DPH6: variants seen among roughly 807,000 people sequenced by gnomAD.
DPH6 encodes diphthine--ammonia ligase.
A neutral mutation model predicts 38.2 loss-of-function variants in DPH6; 33 were observed. That is an observed-to-expected ratio of 0.86 (90% CI 0.65 to 1.15). DPH6 has a LOEUF of 1.15. DPH6 is among the 50% of genes most tolerant of loss of function. DPH6 has a pLI of 0.00. For synonymous variants in DPH6, 108 were observed against 103.0 expected (o/e 1.05, Z -0.30); for missense variants, 325 against 320.0 (o/e 1.02, Z -0.12).
intron 3 of DPH6, among the ~76,000 whole-genome samples, chr15:35,233,778 C>G (rs2051534302): frequency 2.0e-5 from 3 of 152,164 alleles, no homozygotes; most frequent in Admixed American, 6.5e-5. Context: ...CCTTTTTCCT[C>G]TATTCTCTAA....
the DPH6 span, among the ~76,000 whole-genome samples, chr15:35,178,453 T>C: frequency 6.6e-6 from 1 of 151,928 alleles, no homozygotes; most frequent in Non-Finnish European, 1.5e-5. Flanking sequence ...AACCATCAGA[T>C]CTTGTGAGAC....
At chr15:35,364,760 T>C (rs2052642749) in intron 3 of DPH6, among the ~76,000 whole-genome samples, 1 of 152,048 alleles carries the variant, frequency 6.6e-6, no homozygotes, top group South Asian at 2.1e-4. Flanking sequence ...ATATCTACTT[T>C]TATTTTGTTT....
chr15:35,162,540 A>G, the DPH6 span, among the ~76,000 whole-genome samples: 1 of 151,824 alleles, frequency 6.6e-6, no homozygotes, highest in Non-Finnish European at 1.5e-5. Flanking sequence ...CCCTCACTTC[A>G]TCTAGGTCTG....
intron 3 of DPH6, among the ~76,000 whole-genome samples, chr15:35,269,401 C>G (rs913266143): frequency 2.0e-5 from 3 of 152,126 alleles, no homozygotes; most frequent in African/African-American, 7.2e-5. Context: ...GATGTTTAGA[C>G]TTATTTAGGG....
intron 3 of DPH6, among the ~76,000 whole-genome samples, chr15:35,514,461 A>C (rs1381776081): frequency 2.6e-5 from 4 of 152,136 alleles, no homozygotes; most frequent in African/African-American, 9.6e-5. Flanking sequence ...TATCTGATAA[A>C]TAAGATGATG....
At chr15:35,236,907 T>C (rs984517551) in intron 3 of DPH6, among the ~76,000 whole-genome samples, 1 of 152,210 alleles carries the variant, frequency 6.6e-6, no homozygotes, top group African/African-American at 2.4e-5. Flanking sequence ...TAATGTATTC[T>C]GTTAATAAAC....
intron 5 of DPH6, among the ~76,000 whole-genome samples, chr15:35,439,312 A>G (rs931804988): frequency 6.6e-6 from 1 of 152,204 alleles, no homozygotes; most frequent in Non-Finnish European, 1.5e-5. Flanking sequence ...AAGGCAACTT[A>G]TTTTGAGCTA....
At chr15:35,326,000 C>T (rs1200816412), downstream of DPH6, among the ~76,000 whole-genome samples, 4 of 152,024 alleles carry the variant, frequency 2.6e-5, no homozygotes, top group African/African-American at 7.2e-5. Flanking sequence ...ACACAAGATA[C>T]CACAATATAC....
chr15:35,326,718 G>C (rs954531389), downstream of DPH6, among the ~76,000 whole-genome samples: 1 of 152,180 alleles, frequency 6.6e-6, no homozygotes, highest in Admixed American at 6.5e-5. Context: ...TTACAGGCAT[G>C]AGCCACCATG....
chr15:35,319,928 A>G (rs1442573771), intron 3 of DPH6, among the ~76,000 whole-genome samples: 1 of 152,124 alleles, frequency 6.6e-6, no homozygotes, highest in Non-Finnish European at 1.5e-5. Flanking sequence ...GCAAAACCCA[A>G]AAAGGAAAAG....
At chr15:35,168,490 G>A in the DPH6 span, among the ~76,000 whole-genome samples, 1 of 151,930 alleles carries the variant, frequency 6.6e-6, no homozygotes, top group Non-Finnish European at 1.5e-5. Context: ...TCACCAGAAA[G>A]CAGTTTTTAC....
At chr15:35,461,735 G>A (rs2054069519) in intron 3 of DPH6, among the ~76,000 whole-genome samples, 1 of 151,964 alleles carries the variant, frequency 6.6e-6, no homozygotes, top group East Asian at 1.9e-4. Context: ...ATATATTCTT[G>A]TATTTCTTAA....
intron 5 of DPH6, among the ~76,000 whole-genome samples, chr15:35,414,301 T>C (rs2053408917): frequency 6.6e-6 from 1 of 151,752 alleles, no homozygotes; most frequent in South Asian, 2.1e-4. Flanking sequence ...ATATATTACT[T>C]TTGGCATTTG....
intron 6 of DPH6, among the ~76,000 whole-genome samples, chr15:35,385,884 T>G (rs1419581724): frequency 6.6e-6 from 1 of 152,140 alleles, no homozygotes; most frequent in East Asian, 1.9e-4. Context: ...TTAGGGTACA[T>G]GTGCACAACG....
At chr15:35,322,325 G>A (rs536099774) in intron 3 of DPH6, among the ~76,000 whole-genome samples, 60 of 152,234 alleles carry the variant, frequency 3.9e-4, no homozygotes, top group Non-Finnish European at 6.9e-4. Flanking sequence ...CTAAGCAAGG[G>A]GAGGGTTAGA....
chr15:35,445,395 C>A (rs372155789), intron 5 of DPH6, among the ~76,000 whole-genome samples: 12 of 125,470 alleles, frequency 9.6e-5, no homozygotes, highest in Non-Finnish European at 1.0e-4. Context: ...TCATCATCAT[C>A]AAAAAAAAAA....
rs139096385 is a variant in DPH6 at position 35,240,397 on chromosome 15, G to A, written n.201-19815C>T. The stretch of plus-strand genomic sequence containing the variant: ...CCTGTCCCCTCAGTCCCAACCCCAA[G>A]CATCACTGAGTCTTTCTAATCTTCC... On this transcript the variant is annotated intron_variant and non_coding_transcript_variant, in intron 3 of 3. Transcript: ENST00000560386. Among the ~76,000 whole-genome samples the A allele has an allele frequency of 3.6e-4, 51 of 142,048 alleles. 12 individuals carry two copies. In the East Asian group the frequency reaches 0.011, roughly 31 times the overall value. The allele number at this position is 142,048 out of a possible 152,430, so 93.2% of individuals were successfully genotyped here. A position where few individuals can be genotyped will look rare whatever the true frequency, so the allele number is the denominator to read the frequency against.
intron 3 of DPH6, among the ~76,000 whole-genome samples, chr15:35,269,858 T>C (rs1438275254): frequency 7.1e-6 from 1 of 140,912 alleles, no homozygotes; most frequent in African/African-American, 2.6e-5. Flanking sequence ...TGGCACAATC[T>C]TGGCTCACTG....
At chr15:35,228,046 G>GT (rs1348094232) in intron 3 of DPH6, among the ~76,000 whole-genome samples, 16 of 151,802 alleles carry the variant, frequency 1.1e-4, no homozygotes, top group African/African-American at 3.9e-4. Flanking sequence ...CTAATATATG[G>GT]TTTTTCCTTT....
Sources: gnomAD v4.1 joint callset for allele counts (sites outside exome capture counted in the v4.1 genomes callset) on GRCh38, gnomAD v4.1.1 for gene constraint, MANE v1.5 for transcripts, NCBI Gene and HGNC (gene_info 2026-07-23, HGNC 2026-07-21) for gene names.